The following C2CD3 variants were observed in gnomAD, a reference collection of about 807,000 sequenced individuals.
C2CD3 encodes C2 domain-containing protein 3.
In C2CD3, 148 loss-of-function variants were observed where a neutral mutation model predicts 234.0. The observed-to-expected ratio is 0.63, with a 90% CI of 0.55 to 0.72. The LOEUF is 0.72. Among genes scored for constraint, C2CD3 ranks in the 30% least tolerant of loss-of-function variants. C2CD3 has a pLI of 0.00. For synonymous variants in C2CD3, 1,000 were observed against 1,035.4 expected (o/e 0.97, Z 0.66); for missense variants, 2,577 against 2,811.5 (o/e 0.92, Z 1.89).
intron 23 of C2CD3, among the ~76,000 whole-genome samples, chr11:74,075,245 A>G (rs1954981995): frequency 6.6e-6 from 1 of 152,126 alleles, no homozygotes; most frequent in African/African-American, 2.4e-5. Flanking sequence ...TGATGAAATC[A>G]AGAGTGGTCT....
intron 25 of C2CD3, among the ~76,000 whole-genome samples, chr11:74,056,965 G>C (rs1444910817): frequency 6.6e-6 from 1 of 150,754 alleles, no homozygotes; most frequent in Non-Finnish European, 1.5e-5. Context: ...GAACTCCTGG[G>C]CTCAAGTGAT....
rs774763565 is a variant in C2CD3, at chr11:74,042,160, G to A, written c.5554C>T (p.Arg1852Trp). The A allele has an allele frequency of 6.2e-6, 10 of 1,613,344 alleles. No homozygotes were observed. The highest frequency in any genetic ancestry group is 3.3e-5 in the Admixed American group (2 of 59,934). ...TGAAGATGCAGGGATTCATGAAACC[G>A]GCGAATGTTCTGCACATGCTCTTCA... ...RHEEHVQNIR[R>W]FHESLHLQGE... is the part of the protein sequence containing the mutation. Residue 1852 changes from arginine to tryptophan, a missense_variant, in exon 29 of 33, where the codon CGG becomes TGG. Physicochemically the swap from Arg to Trp is moderately radical, Grantham distance 101. Transcript: ENST00000334126.
At chr11:74,056,752 CT>C (rs1328512148) in intron 25 of C2CD3, among the ~76,000 whole-genome samples, 1 of 152,164 alleles carries the variant, frequency 6.6e-6, no homozygotes, top group African/African-American at 2.4e-5. Flanking sequence ...ATCTTTCCGA[CT>C]CTTATTCATC....
intron 30 of C2CD3, among the ~76,000 whole-genome samples, chr11:74,034,928 G>A (rs558598395): frequency 2.0e-5 from 3 of 152,278 alleles, no homozygotes; most frequent in South Asian, 2.1e-4. Context: ...GAGAATACAC[G>A]AAAGAAATGG....
chr11:74,064,598 G>T (rs556171737), intron 24 of C2CD3, among the ~76,000 whole-genome samples: 1 of 152,090 alleles, frequency 6.6e-6, no homozygotes, highest in Non-Finnish European at 1.5e-5. Flanking sequence ...AATCAAAAAA[G>T]AGCCCGCATT....
intron 24 of C2CD3, among the ~76,000 whole-genome samples, chr11:74,068,746 A>G (rs532210027): frequency 5.3e-5 from 8 of 152,304 alleles, no homozygotes; most frequent in African/African-American, 1.9e-4. Flanking sequence ...TTCTAGATAT[A>G]TATCAACCTT....
At chr11:74,067,752 T>A (rs1293858595) in intron 24 of C2CD3, among the ~76,000 whole-genome samples, 1 of 152,214 alleles carries the variant, frequency 6.6e-6, no homozygotes, top group Non-Finnish European at 1.5e-5. Context: ...CACCCCCACC[T>A]ACTTTTATTG....
intron 12 of C2CD3, among the ~76,000 whole-genome samples, chr11:74,107,322 T>TCACACACACACACACACACACACA (rs142285119): frequency 3.4e-5 from 5 of 146,524 alleles, no homozygotes; most frequent in African/African-American, 7.6e-5. Flanking sequence ...TGAAACTGTG[T>TCACACACACACACACACACACACA]CACACACACA....
At chr11:74,063,219 T>C (rs1440634385) in intron 24 of C2CD3, among the ~76,000 whole-genome samples, 1 of 152,230 alleles carries the variant, frequency 6.6e-6, no homozygotes, top group African/African-American at 2.4e-5. Flanking sequence ...GCTGGTACTA[T>C]TCCTTCTGAA....
intron 12 of C2CD3, chr11:74,108,195 T>C (rs1449624695): frequency 1.3e-5 from 2 of 150,064 alleles, no homozygotes; most frequent in African/African-American, 4.9e-5. Flanking sequence ...ATTAATTAGG[T>C]ATAGGAAAAT....
chr11:74,150,513 A>AAAAAAAAAAAAAAAAAAAG (rs1855547051), intron 3 of C2CD3, among the ~76,000 whole-genome samples: 1 of 67,768 alleles, frequency 1.5e-5, no homozygotes, highest in Non-Finnish European at 2.7e-5. Context: ...AAAAAAAAAA[A>AAAAAAAAAAAAAAAAAAAG]AACAAAAAAA....
intron 20 of C2CD3, among the ~76,000 whole-genome samples, 168 bp downstream of exon 20, chr11:74,090,645 G>A (rs112820911): frequency 3.9e-5 from 6 of 152,300 alleles, no homozygotes; most frequent in African/African-American, 1.2e-4. Flanking sequence ...AAATAGCAAC[G>A]TTTGCAAGTG....
chr11:74,090,899 T>C lies in C2CD3; in HGVS notation c.3555A>G (p.Pro1185=). 3.1e-6 allele frequency: 5 copies of C among 1,614,146 alleles called. No individual in the cohort carries two copies. Among genetic ancestry groups the C allele is most frequent in the Non-Finnish European group, 4.2e-6 (5 of 1,180,000 alleles). ...LDVGLRYRRS[P]RTAEGVLAAR... The stretch of plus-strand genomic sequence containing the variant: ...CAGCAAGAACTCCCTCTGCTGTTCT[T>C]GGACTACGCCTGTACCTTAGGCCCA... The change falls in exon 20 of 33, where the codon CCA becomes CCG. Residue 1185 remains proline (P), a synonymous_variant. Coordinates refer to ENST00000334126, the MANE Select transcript of C2CD3 (RefSeq NM_001286577.2).
At chr11:74,072,285 T>C (rs996781043) in intron 24 of C2CD3, among the ~76,000 whole-genome samples, 3 of 152,218 alleles carry the variant, frequency 2.0e-5, no homozygotes, top group African/African-American at 7.2e-5. Flanking sequence ...AGGATCATTA[T>C]GGAAGCTTAT....
At chr11:74,122,348 C>T (rs183785792) in intron 8 of C2CD3, among the ~76,000 whole-genome samples, 99 of 152,298 alleles carry the variant, frequency 6.5e-4, no homozygotes, top group Middle Eastern at 3.4e-3. Context: ...CACTGGCTTA[C>T]TACTGGGCTG....
chr11:74,144,715 G>T (rs1359190388), intron 3 of C2CD3, among the ~76,000 whole-genome samples: 2 of 152,114 alleles, frequency 1.3e-5, no homozygotes, highest in African/African-American at 4.8e-5. Context: ...TTGGTTTTCT[G>T]TTCCTGCGTT....
intron 11 of C2CD3, chr11:74,109,381 G>A (rs997389041): frequency 2.4e-5 from 10 of 419,368 alleles, no homozygotes; most frequent in South Asian, 5.9e-5. Flanking sequence ...ATGTTGCTCC[G>A]CTTTGCCATG....
At chr11:74,105,415 C>T (rs758474242) in intron 13 of C2CD3, among the ~76,000 whole-genome samples, 5 of 152,006 alleles carry the variant, frequency 3.3e-5, no homozygotes, top group African/African-American at 4.8e-5. Context: ...GGATTACAGG[C>T]GTGTGCCACC....
chr11:74,053,376 C>T (rs1284111670), intron 26 of C2CD3, among the ~76,000 whole-genome samples: 7 of 152,156 alleles, frequency 4.6e-5, no homozygotes, highest in Non-Finnish European at 8.8e-5. Flanking sequence ...CTATTATTAG[C>T]CTCAATTTTA....
Sources: allele counts gnomAD v4.1 joint callset (sites outside exome capture counted in the v4.1 genomes callset), GRCh38; gene constraint gnomAD v4.1.1; transcripts MANE v1.5; gene names NCBI Gene and HGNC (gene_info 2026-07-23, HGNC 2026-07-21).